Variants in FAM107B observed in about 807,000 individuals in gnomAD.
FAM107B encodes the protein protein FAM107B.
FAM107B carries 21 observed loss-of-function variants against 31.5 expected under a neutral mutation model. The observed-to-expected ratio is 0.67, with a 90% CI of 0.47 to 0.96. The LOEUF is 0.96. Ranked by LOEUF, FAM107B falls within the 40% of genes least tolerant of loss-of-function variation. The pLI is 0.00. For synonymous variants in FAM107B, 157 were observed against 141.5 expected (o/e 1.11, Z -0.78); for missense variants, 452 against 377.1 (o/e 1.20, Z -1.64).
At chr10:14,546,119 A>G (rs1564549671) in intron 2 of FAM107B, among the ~76,000 whole-genome samples, 1 of 152,270 alleles carries the variant, frequency 6.6e-6, no homozygotes, top group African/African-American at 2.4e-5. Flanking sequence ...TTAATGACAG[A>G]AACTTTAGAA....
intron 2 of FAM107B, among the ~76,000 whole-genome samples, chr10:14,629,471 AAT>A (rs372458949): frequency 0.21 from 18,570 of 86,548 alleles, 3,774 homozygotes; most frequent in East Asian, 0.46. Context: ...ATATATATTT[AAT>A]ATATATATAA....
At chr10:14,548,119 G>A (rs1848879920) in intron 2 of FAM107B, among the ~76,000 whole-genome samples, 1 of 152,226 alleles carries the variant, frequency 6.6e-6, no homozygotes, top group South Asian at 2.1e-4. Flanking sequence ...AGGACCCACA[G>A]CGCTCGCTGG....
intron 2 of FAM107B, among the ~76,000 whole-genome samples, chr10:14,538,422 A>G (rs1164341794): frequency 2.0e-5 from 3 of 152,216 alleles, no homozygotes; most frequent in African/African-American, 7.2e-5. Flanking sequence ...GCACAGCTGA[A>G]TCTCACAAAT....
At chr10:14,621,293 T>C (rs571491137) in intron 2 of FAM107B, among the ~76,000 whole-genome samples, 1 of 152,238 alleles carries the variant, frequency 6.6e-6, no homozygotes, top group African/African-American at 2.4e-5. Flanking sequence ...GTTTATATTA[T>C]GTAGACTCCT....
At chr10:14,671,874 A>AAAAAAAAT (rs1854557136) in intron 1 of FAM107B, among the ~76,000 whole-genome samples, 1 of 38,336 alleles carries the variant, frequency 2.6e-5, no homozygotes, top group African/African-American at 5.1e-5. Flanking sequence ...CTTTTATTTA[A>AAAAAAAAT]AAAAAAAAAA....
intron 2 of FAM107B, among the ~76,000 whole-genome samples, chr10:14,623,811 G>A (rs7912492): frequency 0.97 from 148,011 of 152,316 alleles, 72,073 homozygotes; most frequent in East Asian, 1. Context: ...GGGGACAGAC[G>A]GGGACTCTGT....
intron 2 of FAM107B, among the ~76,000 whole-genome samples, chr10:14,643,288 A>G (rs1034009881): frequency 1.3e-5 from 2 of 152,050 alleles, no homozygotes; most frequent in African/African-American, 4.8e-5. Flanking sequence ...TGTTAGTCTA[A>G]GTCTGAAGGT....
chr10:14,652,720 T>G (rs1446596122), intron 2 of FAM107B: 1 of 152,220 alleles, frequency 6.6e-6, no homozygotes, highest in African/African-American at 2.4e-5. Context: ...ACCAGACGTT[T>G]TGTGTTCAGT....
At chr10:14,732,014 G>A (rs539464669) in intron 1 of FAM107B, among the ~76,000 whole-genome samples, 4 of 152,218 alleles carry the variant, frequency 2.6e-5, no homozygotes, top group Non-Finnish European at 5.9e-5. Context: ...TGAGATGACC[G>A]AACATCTGCT....
At chr10:14,523,314 A>AT (rs113256175) in intron 3 of FAM107B, among the ~76,000 whole-genome samples, 20,285 of 152,252 alleles carry the variant, frequency 0.13, 1,504 homozygotes, top group Non-Finnish European at 0.18. Flanking sequence ...TACCAGGACA[A>AT]TTTAAAATAA....
At chr10:14,722,326 CATA>C (rs1404224334) in intron 1 of FAM107B, among the ~76,000 whole-genome samples, 1 of 152,192 alleles carries the variant, frequency 6.6e-6, no homozygotes, top group African/African-American at 2.4e-5. Flanking sequence ...TTTCACTTAG[CATA>C]ATGTTTTCAA....
At chr10:14,628,213 T>C (rs1327195929) in intron 2 of FAM107B, among the ~76,000 whole-genome samples, 1 of 146,470 alleles carries the variant, frequency 6.8e-6, no homozygotes, top group Non-Finnish European at 1.5e-5. Flanking sequence ...CCCTCCTGGG[T>C]TCAAGCAATT....
At chr10:14,531,830 T>C (rs1847052142) in intron 2 of FAM107B, among the ~76,000 whole-genome samples, 1 of 152,118 alleles carries the variant, frequency 6.6e-6, no homozygotes, top group Non-Finnish European at 1.5e-5. Flanking sequence ...AGAGACTCTG[T>C]CTCAAACAAA....
intron 2 of FAM107B, chr10:14,602,553 T>G (rs538446159): frequency 1.2e-4 from 18 of 152,326 alleles, no homozygotes; most frequent in African/African-American, 4.3e-4. Context: ...CAGTGCAAGG[T>G]CTTTAAGAAG....
intron 1 of FAM107B, among the ~76,000 whole-genome samples, chr10:14,674,448 C>T (rs1368470153): frequency 1.3e-5 from 2 of 152,178 alleles, no homozygotes. Context: ...ATTGCTTATG[C>T]ACCCTTTATA....
At chr10:14,706,908 C>T (rs1306319866) in intron 1 of FAM107B, among the ~76,000 whole-genome samples, 1 of 152,102 alleles carries the variant, frequency 6.6e-6, no homozygotes. Context: ...AGGCAGATCA[C>T]GAGGTCAGGA....
chr10:14,541,770 C>T (rs981725504), intron 2 of FAM107B, among the ~76,000 whole-genome samples: 5 of 152,204 alleles, frequency 3.3e-5, no homozygotes, highest in Non-Finnish European at 7.4e-5. Context: ...GGCACAATGG[C>T]TTGTACATAA....
chr10:14,767,934 TAATA>T (rs1833218022), intron 1 of FAM107B, among the ~76,000 whole-genome samples: 2 of 152,138 alleles, frequency 1.3e-5, no homozygotes, highest in South Asian at 4.1e-4. Flanking sequence ...TGTACAGAAC[TAATA>T]AATAAATTCA....
intron 1 of FAM107B, among the ~76,000 whole-genome samples, chr10:14,688,085 A>G (rs548489638): frequency 4.6e-5 from 7 of 152,370 alleles, no homozygotes; most frequent in Non-Finnish European, 8.8e-5. Flanking sequence ...GAAAGCAGGC[A>G]GGAGAAATTG....
Sources: allele counts gnomAD v4.1 joint callset (sites outside exome capture counted in the v4.1 genomes callset), GRCh38; gene constraint gnomAD v4.1.1; transcripts MANE v1.5; gene names NCBI Gene and HGNC (gene_info 2026-07-23, HGNC 2026-07-21).